Variants in SIPA1L1 observed in about 807,000 individuals in gnomAD.
The protein encoded by SIPA1L1 is signal induced proliferation associated 1 like 1.
In SIPA1L1, 26 loss-of-function variants were observed where a neutral mutation model predicts 162.7. The ratio of observed to expected loss-of-function variants is 0.16; its 90% confidence interval spans 0.12 to 0.22. SIPA1L1 has a LOEUF of 0.22. Among genes scored for constraint, SIPA1L1 ranks in the 10% least tolerant of loss-of-function variants. The probability of loss-of-function intolerance (pLI) is 1.00; values close to 1 mark genes in which losing one functional copy is unlikely to be tolerated. For synonymous variants in SIPA1L1, 829 were observed against 837.4 expected (o/e 0.99, Z 0.17); for missense variants, 1,874 against 2,241.0 (o/e 0.84, Z 3.31).
intron 2 of SIPA1L1, chr14:71,330,667 A>G: frequency 2.3e-6 from 2 of 876,940 alleles, no homozygotes; most frequent in South Asian, 2.6e-5. Context: ...TGGGTGGGGT[A>G]CCCTCTCATG....
chr14:71,393,227 C>T (rs2040906018), intron 2 of SIPA1L1, among the ~76,000 whole-genome samples: 1 of 151,914 alleles, frequency 6.6e-6, no homozygotes, highest in African/African-American at 2.4e-5. Context: ...TAAAAATTGT[C>T]AAGTTATTAT....
In SIPA1L1 at chr14:71,733,708, A is replaced by G; in HGVS notation, c.4904A>G (p.Glu1635Gly). The stretch of plus-strand genomic sequence containing the variant: ...GACAGCTCCCTCACTGACATCCAGG[A>G]GACCCGCAGGCAGCCTATGCCCGAC... ...ASDSSLTDIQ[E>G]TRRQPMPDPG... Residue 1635 changes from glutamate (E) to glycine (G), a missense_variant, in exon 21 of 24, where the codon GAG becomes GGG. Glu to Gly is a moderately conservative substitution (Grantham distance 98). Coordinates refer to ENST00000381232, the MANE Select transcript of SIPA1L1 (RefSeq NM_001386936.1). 1 of 1,614,062 alleles carries G rather than the reference A, an allele frequency of 6.2e-7. No individual in the cohort carries two copies. The highest frequency in any genetic ancestry group is 2.2e-5 in the East Asian group (1 of 44,892).
At chr14:71,539,935 C>T (rs2054234605) in intron 4 of SIPA1L1, among the ~76,000 whole-genome samples, 1 of 152,220 alleles carries the variant, frequency 6.6e-6, no homozygotes, top group Non-Finnish European at 1.5e-5. Flanking sequence ...GAGAAGCTGC[C>T]TGCCTCTGTG....
chr14:71,489,012 C>T (rs577537107), intron 2 of SIPA1L1, among the ~76,000 whole-genome samples: 1 of 152,278 alleles, frequency 6.6e-6, no homozygotes, highest in Non-Finnish European at 1.5e-5. Flanking sequence ...CTGTGGAAGA[C>T]GCCTGCTGCT....
intron 5 of SIPA1L1, among the ~76,000 whole-genome samples, chr14:71,605,508 GT>G (rs2037382506): frequency 6.6e-6 from 1 of 152,122 alleles, no homozygotes; most frequent in Non-Finnish European, 1.5e-5. Flanking sequence ...GCTTCTTGAA[GT>G]TTTTTGAGTT....
intron 3 of SIPA1L1, among the ~76,000 whole-genome samples, chr14:71,514,907 G>T (rs1419147519): frequency 1.3e-5 from 2 of 152,198 alleles, no homozygotes. Context: ...AGATGCTGAT[G>T]TCATCAAACA....
chr14:71,405,256 A>G (rs1157677650), intron 2 of SIPA1L1, among the ~76,000 whole-genome samples: 34 of 152,232 alleles, frequency 2.2e-4, no homozygotes, highest in Admixed American at 2.2e-3. Context: ...CATTTTTCAC[A>G]AAAGGACCAG....
At chr14:71,650,277 G>C (rs1036506107) in intron 7 of SIPA1L1, 58 bp from the exon 8 acceptor site, 1 of 1,578,972 alleles carries the variant, frequency 6.3e-7, no homozygotes, top group Admixed American at 1.7e-5. Context: ...TTTAGCATTT[G>C]ACTGGGACAA....
At chr14:71,594,502 A>C (rs1006712692) in intron 5 of SIPA1L1, among the ~76,000 whole-genome samples, 1 of 152,188 alleles carries the variant, frequency 6.6e-6, no homozygotes, top group Non-Finnish European at 1.5e-5. Flanking sequence ...ATGCCTTACA[A>C]TTCAGTGTTC....
intron 2 of SIPA1L1, among the ~76,000 whole-genome samples, chr14:71,415,157 C>T (rs1460203903): frequency 2.0e-5 from 3 of 152,156 alleles, no homozygotes; most frequent in Admixed American, 1.3e-4. Context: ...ACCATCTCCC[C>T]TCCATAAACC....
intron 5 of SIPA1L1, among the ~76,000 whole-genome samples, chr14:71,616,824 T>G (rs914534716): frequency 2.6e-5 from 4 of 152,046 alleles, no homozygotes; most frequent in Admixed American, 6.5e-5. Flanking sequence ...AGGGAAAGCT[T>G]GAGGATGAGG....
At chr14:71,471,053 G>A (rs1194922557) in intron 2 of SIPA1L1, among the ~76,000 whole-genome samples, 1 of 152,098 alleles carries the variant, frequency 6.6e-6, no homozygotes, top group Non-Finnish European at 1.5e-5. Context: ...TATTAGCCAG[G>A]ATGGTCTCTA....
intron 2 of SIPA1L1, 163 bp downstream of exon 2, chr14:71,321,344 G>A (rs976948838): frequency 1.3e-5 from 2 of 152,550 alleles, no homozygotes; most frequent in African/African-American, 4.8e-5. Context: ...TGGTAGCTTA[G>A]CCCGGCGGGG....
At chr14:71,355,979 CAAAAG>C (rs1459761062) in intron 2 of SIPA1L1, among the ~76,000 whole-genome samples, 3 of 152,168 alleles carry the variant, frequency 2.0e-5, no homozygotes, top group African/African-American at 7.2e-5. Context: ...GGCAGGCTGA[CAAAAG>C]AGACTGTACT....
intron 3 of SIPA1L1, among the ~76,000 whole-genome samples, chr14:71,518,679 G>A (rs1412963732): frequency 1.3e-5 from 2 of 151,836 alleles, no homozygotes; most frequent in Non-Finnish European, 2.9e-5. Context: ...AGTGGTTCAC[G>A]CCTGTAATCC....
chr14:71,706,138 T>TA (rs1333670518), intron 16 of SIPA1L1, among the ~76,000 whole-genome samples: 27 of 152,064 alleles, frequency 1.8e-4, no homozygotes, highest in Non-Finnish European at 2.8e-4. Flanking sequence ...GAAAAATGAA[T>TA]ATTGAAGCTA....
At chr14:71,419,174 G>A (rs909474622) in intron 2 of SIPA1L1, among the ~76,000 whole-genome samples, 4 of 151,726 alleles carry the variant, frequency 2.6e-5, no homozygotes, top group Admixed American at 6.6e-5. Context: ...CTGGATGAGC[G>A]TTCAGTAGGT....
intron 2 of SIPA1L1, among the ~76,000 whole-genome samples, chr14:71,455,553 T>G (rs549952856): frequency 1.3e-5 from 2 of 152,330 alleles, no homozygotes; most frequent in African/African-American, 4.8e-5. Flanking sequence ...TAATTCCGAA[T>G]GCTTATTGAA....
chr14:71,697,963 C>T (rs1456400282), intron 13 of SIPA1L1, among the ~76,000 whole-genome samples: 1 of 151,910 alleles, frequency 6.6e-6, no homozygotes, highest in African/African-American at 2.4e-5. Flanking sequence ...AACAGGCCTT[C>T]TCTTAGGGGA....
Sources: allele counts gnomAD v4.1 joint callset (sites outside exome capture counted in the v4.1 genomes callset), GRCh38; gene constraint gnomAD v4.1.1; transcripts MANE v1.5; gene names NCBI Gene and HGNC (gene_info 2026-07-23, HGNC 2026-07-21).